The following DSE variants were observed in gnomAD, a reference collection of about 807,000 sequenced individuals.
The protein encoded by DSE is dermatan sulfate epimerase, also known as dermatan-sulfate epimerase.
Under a neutral mutation model 84.4 loss-of-function variants are expected in DSE, and 36 were observed. The observed-to-expected ratio is 0.43, with a 90% CI of 0.33 to 0.56. The LOEUF (loss-of-function observed/expected upper bound fraction) is 0.56, where lower values mean the gene tolerates loss of function less well. Among genes scored for constraint, DSE ranks in the 20% least tolerant of loss-of-function variants. The pLI, the probability that DSE is intolerant of heterozygous loss-of-function variation, is 0.06. For missense variants in DSE, 862 were observed against 1,169.6 expected, an observed-to-expected ratio of 0.74 and a Z score of 3.84; for synonymous variants, 410 against 430.1, an observed-to-expected ratio of 0.95 and a Z score of 0.58.
At chr6:116,286,576 C>T (rs1562204736) in intron 2 of DSE, among the ~76,000 whole-genome samples, 1 of 151,928 alleles carries the variant, frequency 6.6e-6, no homozygotes, top group Non-Finnish European at 1.5e-5. Flanking sequence ...ATAATATAAC[C>T]TGCCTACACA....
At chr6:116,348,689 G>A (rs1228509866) in intron 2 of DSE, among the ~76,000 whole-genome samples, 6 of 152,066 alleles carry the variant, frequency 3.9e-5, no homozygotes, top group South Asian at 2.1e-4. Flanking sequence ...TGTTTATTGC[G>A]GCATTATTCA....
chr6:116,403,806 A>G (rs1781750758), intron 2 of DSE, among the ~76,000 whole-genome samples: 1 of 152,164 alleles, frequency 6.6e-6, no homozygotes, highest in African/African-American at 2.4e-5. Flanking sequence ...TTTTATGAAG[A>G]ACCCTCGCAG....
intron 2 of DSE, among the ~76,000 whole-genome samples, chr6:116,406,899 T>C (rs1404201726): frequency 6.6e-6 from 1 of 152,176 alleles, no homozygotes; most frequent in Non-Finnish European, 1.5e-5. Flanking sequence ...GCTTTCTGTT[T>C]AGGATGGCTT....
upstream of DSE, chr6:116,369,796 C>T (rs770253345): frequency 1.5e-6 from 1 of 679,318 alleles, no homozygotes; most frequent in Non-Finnish European, 2.2e-6. Context: ...ACTGAGACAT[C>T]CACATTTTTT....
intron 2 of DSE, chr6:116,277,132 A>C (rs1773178073): frequency 6.6e-6 from 1 of 152,596 alleles, no homozygotes; most frequent in African/African-American, 2.4e-5. Context: ...TTTTCACAAT[A>C]AGTTTAGAAT....
chr6:116,339,788 T>G (rs750421045), intron 2 of DSE, among the ~76,000 whole-genome samples: 31 of 152,198 alleles, frequency 2.0e-4, no homozygotes, highest in Non-Finnish European at 3.2e-4. Context: ...CTGGTGCTAA[T>G]AAAATTATAG....
At chr6:116,318,920 G>A (rs1357700155) in intron 2 of DSE, among the ~76,000 whole-genome samples, 1 of 152,052 alleles carries the variant, frequency 6.6e-6, no homozygotes, top group Non-Finnish European at 1.5e-5. Context: ...GTTTACATAT[G>A]ATTTAAAGAT....
chr6:116,384,498 G>A (rs533931248), intron 1 of DSE, among the ~76,000 whole-genome samples: 1 of 152,114 alleles, frequency 6.6e-6, no homozygotes, highest in African/African-American at 2.4e-5. Flanking sequence ...TGTGCCTTGG[G>A]GGAGGCTGGG....
chr6:116,269,649 T>C (rs1772797138), intron 2 of DSE, among the ~76,000 whole-genome samples: 1 of 152,192 alleles, frequency 6.6e-6, no homozygotes, highest in Non-Finnish European at 1.5e-5. Context: ...TATTTTGGGC[T>C]GATAGGGAAA....
chr6:116,258,207 G>T (rs574333664), intron 1 of DSE, among the ~76,000 whole-genome samples: 228 of 151,788 alleles, frequency 1.5e-3, no homozygotes, highest in African/African-American at 5.2e-3. Flanking sequence ...GTAGATACAG[G>T]GTTTCACCAT....
chr6:116,324,439 C>T (rs745345502), intron 2 of DSE, among the ~76,000 whole-genome samples: 13 of 152,218 alleles, frequency 8.5e-5, no homozygotes, highest in Non-Finnish European at 1.6e-4. Flanking sequence ...GTCAAATAGT[C>T]ACAGGTGAAA....
At position 116,399,650 on chromosome 6, in the gene DSE, G is replaced by A. The variant is rs1235051534; in HGVS notation, c.400G>A (p.Ala134Thr). The change falls in exon 2 of 6, where the codon GCA (alanine) becomes ACA (threonine). Residue 134 changes from alanine (A) to threonine (T), a missense_variant. By Grantham distance (58) the Ala-to-Thr change is moderately conservative. Coordinates refer to ENST00000644252, the MANE Select transcript of DSE (RefSeq NM_013352.4). ...DMAKDYMERM[A>T]AQPSWLVKDA... ...GGCCAAAGACTACATGGAGAGGATG[G>A]CAGCGCAGCCTAGTTGGTAGATTTT... is the stretch of plus-strand genomic sequence containing the variant. 1 of 1,613,334 alleles carries A rather than the reference G, an allele frequency of 6.2e-7. No homozygotes were observed. Among genetic ancestry groups the A allele is most frequent in the Admixed American group, 1.7e-5 (1 of 59,992 alleles).
chr6:116,287,649 GT>G, intron 2 of DSE, among the ~76,000 whole-genome samples: 1 of 151,990 alleles, frequency 6.6e-6, no homozygotes. Flanking sequence ...ATATAAATAG[GT>G]TTTCCCTCTG....
chr6:116,394,453 A>T (rs370778339), intron 1 of DSE, among the ~76,000 whole-genome samples: 24 of 137,472 alleles, frequency 1.7e-4, no homozygotes, highest in African/African-American at 6.5e-4. Context: ...TTTTTTTTTT[A>T]AAGACAAGGT....
At chr6:116,297,024 G>A (rs969190667) in intron 2 of DSE, among the ~76,000 whole-genome samples, 4 of 152,138 alleles carry the variant, frequency 2.6e-5, no homozygotes, top group African/African-American at 9.7e-5. Context: ...CTTAAACTAG[G>A]GTTGTAGCTG....
chr6:116,340,600 A>G (rs961883728), intron 2 of DSE, among the ~76,000 whole-genome samples: 1 of 152,088 alleles, frequency 6.6e-6, no homozygotes, highest in East Asian at 1.9e-4. Context: ...TCAACTTGTC[A>G]TTTACATTAG....
At chr6:116,367,898 C>A (rs1779254354), upstream of DSE, among the ~76,000 whole-genome samples, 1 of 152,272 alleles carries the variant, frequency 6.6e-6, no homozygotes, top group Non-Finnish European at 1.5e-5. Flanking sequence ...AGATGGAGTT[C>A]CAGTTTTTGC....
chr6:116,419,950 ACTT>A (rs1782962518), intron 2 of DSE, among the ~76,000 whole-genome samples: 1 of 152,142 alleles, frequency 6.6e-6, no homozygotes, highest in Non-Finnish European at 1.5e-5. Flanking sequence ...ATTTAAATAC[ACTT>A]TAAAAAATAT....
At position 116,372,771 on chromosome 6, in the gene DSE, G is replaced by C. The variant is rs146297658; in HGVS notation, c.-54+1650G>C. ...GTCTCCATCACCTAGTGACCCGTCT[G>C]TGTGGGTTCAGCAAAAAGTGCAAGA... On this transcript the variant is annotated intron_variant, in intron 1 of 5. Coordinates refer to ENST00000644252, the MANE Select transcript of DSE (RefSeq NM_013352.4). 7.0e-3 allele frequency among the ~76,000 whole-genome samples: 1,063 copies of C among 152,274 alleles called. 23 individuals are homozygous for C. The highest frequency in any genetic ancestry group is 0.056 in the South Asian group (270 of 4,822).
Sources: allele counts gnomAD v4.1 joint callset (sites outside exome capture counted in the v4.1 genomes callset), GRCh38; gene constraint gnomAD v4.1.1; transcripts MANE v1.5; gene names NCBI Gene and HGNC (gene_info 2026-07-23, HGNC 2026-07-21).